PPP1R1C: variants seen among roughly 807,000 people sequenced by gnomAD.
The protein encoded by PPP1R1C is protein phosphatase 1 regulatory subunit 1C.
In PPP1R1C, 15 loss-of-function variants were observed where a neutral mutation model predicts 17.4. That is an observed-to-expected ratio of 0.86 (90% CI 0.58 to 1.33). The LOEUF is 1.33. Ranked by LOEUF, PPP1R1C falls within the 40% of genes most tolerant of loss-of-function variation. PPP1R1C has a pLI of 0.00. For missense variants in PPP1R1C, 143 were observed against 130.0 expected, an observed-to-expected ratio of 1.10 and a Z score of -0.48; for synonymous variants, 35 against 43.1, an observed-to-expected ratio of 0.81 and a Z score of 0.73.
chr2:182,026,433 G>T (rs1173320389), intron 2 of PPP1R1C, among the ~76,000 whole-genome samples: 2 of 135,558 alleles, frequency 1.5e-5, no homozygotes, highest in Non-Finnish European at 3.3e-5. Context: ...CATATGTCTA[G>T]CCAGTTTTCC....
At chr2:182,051,357 G>T (rs1329873736) in intron 2 of PPP1R1C, among the ~76,000 whole-genome samples, 3 of 152,148 alleles carry the variant, frequency 2.0e-5, no homozygotes, top group Non-Finnish European at 4.4e-5. Flanking sequence ...CTCCAGTAAT[G>T]GTTACCATGA....
At chr2:182,103,172 A>G (rs1689148901) in intron 4 of PPP1R1C, among the ~76,000 whole-genome samples, 1 of 151,796 alleles carries the variant, frequency 6.6e-6, no homozygotes, top group South Asian at 2.1e-4. Context: ...TTTGTTATTT[A>G]AAAAAAAATC....
chr2:182,118,914 T>A (rs189135075), downstream of PPP1R1C, among the ~76,000 whole-genome samples: 530 of 151,852 alleles, frequency 3.5e-3, 3 homozygotes, highest in African/African-American at 0.012. Flanking sequence ...CTTTTTTTTT[T>A]AAATTATACT....
At chr2:182,049,385 A>G (rs1370000132) in intron 2 of PPP1R1C, among the ~76,000 whole-genome samples, 1 of 151,968 alleles carries the variant, frequency 6.6e-6, no homozygotes, top group African/African-American at 2.4e-5. Flanking sequence ...AGGAACATAA[A>G]TTGTTTTTCT....
chr2:182,121,166 A>G (rs940484552), downstream of PPP1R1C, among the ~76,000 whole-genome samples: 2 of 152,164 alleles, frequency 1.3e-5, no homozygotes, highest in Non-Finnish European at 2.9e-5. Context: ...GACCACATTT[A>G]TAATATAATT....
chr2:182,080,469 T>G (rs1559084720), intron 4 of PPP1R1C, among the ~76,000 whole-genome samples: 1 of 152,230 alleles, frequency 6.6e-6, no homozygotes, highest in South Asian at 2.1e-4. Flanking sequence ...ACTTGTTATA[T>G]TCTCATTTCT....
intron 2 of PPP1R1C, among the ~76,000 whole-genome samples, chr2:182,001,609 A>T (rs1201073022): frequency 6.6e-6 from 1 of 152,002 alleles, no homozygotes; most frequent in Admixed American, 6.6e-5. Flanking sequence ...TTTTATTTTC[A>T]TTTCCTTTGA....
chr2:181,993,689 A>G (rs984169546), intron 2 of PPP1R1C, among the ~76,000 whole-genome samples: 1 of 152,170 alleles, frequency 6.6e-6, no homozygotes, highest in African/African-American at 2.4e-5. Context: ...ATGCTGAATG[A>G]TTTTTTAAAA....
intron 1 of PPP1R1C, among the ~76,000 whole-genome samples, chr2:181,968,594 G>A (rs1423713103): frequency 1.3e-5 from 2 of 152,102 alleles, no homozygotes; most frequent in Non-Finnish European, 2.9e-5. Context: ...TTTATAGGTG[G>A]AGTGTGTTTC....
intron 2 of PPP1R1C, among the ~76,000 whole-genome samples, chr2:182,025,371 A>C (rs1157602085): frequency 1.7e-4 from 20 of 116,596 alleles, no homozygotes; most frequent in Non-Finnish European, 2.9e-4. Flanking sequence ...CCCCAACCCC[A>C]CCACAGTCCC....
intron 4 of PPP1R1C, among the ~76,000 whole-genome samples, chr2:182,103,333 A>G (rs1011546394): frequency 2.0e-5 from 3 of 152,246 alleles, no homozygotes; most frequent in African/African-American, 7.2e-5. Context: ...AATCTGTATG[A>G]AATTGCTAGT....
chr2:182,079,954 C>G (rs1341995189), intron 4 of PPP1R1C, among the ~76,000 whole-genome samples: 1 of 152,156 alleles, frequency 6.6e-6, no homozygotes, highest in Non-Finnish European at 1.5e-5. Flanking sequence ...GCTACTTCAT[C>G]CTGTCGAGCC....
intron 2 of PPP1R1C, among the ~76,000 whole-genome samples, chr2:182,048,449 A>G (rs1186243763): frequency 1.3e-5 from 2 of 152,232 alleles, no homozygotes; most frequent in Non-Finnish European, 2.9e-5. Flanking sequence ...TATTACATTT[A>G]GCCTTACTAA....
intron 4 of PPP1R1C, among the ~76,000 whole-genome samples, chr2:182,085,052 C>A (rs1460838663): frequency 6.6e-6 from 1 of 151,944 alleles, no homozygotes; most frequent in South Asian, 2.1e-4. Context: ...TAATTCTCAG[C>A]TTGGTCATTG....
At chr2:182,035,653 C>T (rs1686981218) in intron 2 of PPP1R1C, among the ~76,000 whole-genome samples, 1 of 152,010 alleles carries the variant, frequency 6.6e-6, no homozygotes, top group Non-Finnish European at 1.5e-5. Context: ...TGTAGCACCT[C>T]CCCCTTCGCT....
At chr2:181,972,015 A>G (rs967300187) in intron 1 of PPP1R1C, among the ~76,000 whole-genome samples, 9 of 152,216 alleles carry the variant, frequency 5.9e-5, no homozygotes, top group African/African-American at 2.2e-4. Flanking sequence ...AGTGATATAA[A>G]CTTAAAACCA....
chr2:182,037,760 A>G (rs954803161), intron 2 of PPP1R1C, among the ~76,000 whole-genome samples: 2 of 152,190 alleles, frequency 1.3e-5, no homozygotes, highest in African/African-American at 4.8e-5. Context: ...ATTTCACCTG[A>G]ATTTGAAGCA....
In PPP1R1C at chr2:182,061,490, A is replaced by T; in HGVS notation, c.180+11A>T. 6 of 1,459,080 alleles carry T rather than the reference A, an allele frequency of 4.1e-6. No individual in the cohort carries two copies. Among genetic ancestry groups the T allele is most frequent in the Non-Finnish European group, 5.4e-6 (6 of 1,106,398 alleles). The allele number at this position is 1,459,080 out of a possible 1,614,324, so 90.4% of individuals were successfully genotyped here. On this transcript the variant is annotated intron_variant, in intron 3 of 4. Transcript: ENST00000682840. ...AACACACAAGGGGAAGTAAGTTTTT[A>T]AAAATATTTTGTATAAATGTGTTCA...
At chr2:182,076,859 T>C (rs1688328556) in intron 4 of PPP1R1C, among the ~76,000 whole-genome samples, 1 of 152,200 alleles carries the variant, frequency 6.6e-6, no homozygotes, top group African/African-American at 2.4e-5. Flanking sequence ...TGGAAGAGTG[T>C]TGTTTGCCAA....
Sources: gnomAD v4.1 joint callset for allele counts (sites outside exome capture counted in the v4.1 genomes callset) on GRCh38, gnomAD v4.1.1 for gene constraint, MANE v1.5 for transcripts, NCBI Gene and HGNC (gene_info 2026-07-23, HGNC 2026-07-21) for gene names.